Variants in EIF4G3 observed in about 807,000 individuals in gnomAD.
EIF4G3 encodes the protein eIF-4-gamma 3.
In EIF4G3, 34 loss-of-function variants were observed where a neutral mutation model predicts 186.4. That is an observed-to-expected ratio of 0.18 (90% CI 0.14 to 0.24). The LOEUF is 0.24. Ranked by LOEUF, EIF4G3 falls within the 10% of genes least tolerant of loss-of-function variation. The pLI is 1.00. For missense variants in EIF4G3, 1,536 were observed against 1,948.5 expected (o/e 0.79, Z 3.99); for synonymous variants, 673 against 679.5 (o/e 0.99, Z 0.15).
intron 15 of EIF4G3, 149 bp downstream of exon 15, chr1:20,904,733 TC>T: frequency 2.1e-6 from 1 of 465,438 alleles, no homozygotes; most frequent in Non-Finnish European, 3.7e-6. Flanking sequence ...TTTTTAAAAT[TC>T]TAATATAAAA....
intron 14 of EIF4G3, among the ~76,000 whole-genome samples, chr1:20,920,798 CTCTT>C (rs1465056023): frequency 6.6e-6 from 1 of 152,006 alleles, no homozygotes; most frequent in Admixed American, 6.6e-5. Context: ...TACACCAACT[CTCTT>C]TGGTCACTCT....
intron 19 of EIF4G3, among the ~76,000 whole-genome samples, chr1:20,884,635 A>G (rs1325793224): frequency 6.6e-6 from 1 of 152,180 alleles, no homozygotes; most frequent in East Asian, 1.9e-4. Context: ...GGAGAGAATT[A>G]TCTCAGCAAT....
intron 16 of EIF4G3, among the ~76,000 whole-genome samples, chr1:20,896,073 T>C (rs1256897376): frequency 2.0e-5 from 3 of 152,130 alleles, no homozygotes; most frequent in African/African-American, 4.8e-5. Flanking sequence ...TAGGCTAATA[T>C]ATGTTTGTGT....
At chr1:21,114,178 C>T (rs1309120584) in intron 2 of EIF4G3, among the ~76,000 whole-genome samples, 3 of 150,934 alleles carry the variant, frequency 2.0e-5, no homozygotes, top group South Asian at 2.1e-4. Context: ...AGACGAGTCT[C>T]GCTCTGTTGC....
chr1:20,995,944 A>C (rs368009790), intron 7 of EIF4G3, among the ~76,000 whole-genome samples: 1 of 152,194 alleles, frequency 6.6e-6, no homozygotes, highest in Non-Finnish European at 1.5e-5. Flanking sequence ...TCAAATAAAT[A>C]GTTTCTTTTC....
At chr1:21,126,282 A>C (rs2097042321) in intron 2 of EIF4G3, among the ~76,000 whole-genome samples, 1 of 152,010 alleles carries the variant, frequency 6.6e-6, no homozygotes, top group Non-Finnish European at 1.5e-5. Flanking sequence ...ACCCAAGACT[A>C]AGATTTGAAC....
intron 11 of EIF4G3, among the ~76,000 whole-genome samples, chr1:20,970,611 TA>T (rs894000722): frequency 1.4e-4 from 20 of 139,002 alleles, no homozygotes; most frequent in African/African-American, 2.4e-4. Context: ...AGACTCCATT[TA>T]AAAAAAAAAA....
At chr1:21,139,604 A>AACTAAATGG (rs1411003667) in intron 2 of EIF4G3, among the ~76,000 whole-genome samples, 1 of 152,242 alleles carries the variant, frequency 6.6e-6, no homozygotes, top group Non-Finnish European at 1.5e-5. Flanking sequence ...GACCTAAATG[A>AACTAAATGG]ACTCACTACT....
At chr1:20,868,160 C>G (rs547212915) in intron 20 of EIF4G3, among the ~76,000 whole-genome samples, 20 of 124,746 alleles carry the variant, frequency 1.6e-4, no homozygotes, top group Non-Finnish European at 3.1e-4. Context: ...TTGTTGTCTG[C>G]TGGACACTGG....
chr1:21,153,065 T>G (rs931129537), intron 2 of EIF4G3, among the ~76,000 whole-genome samples: 5 of 152,232 alleles, frequency 3.3e-5, no homozygotes, highest in Non-Finnish European at 7.3e-5. Flanking sequence ...TTCTCAAATC[T>G]ATTTTCTAAT....
intron 4 of EIF4G3, among the ~76,000 whole-genome samples, chr1:21,024,456 A>G (rs1205843509): frequency 6.6e-6 from 1 of 151,924 alleles, no homozygotes; most frequent in East Asian, 1.9e-4. Flanking sequence ...AAAGGGGGGA[A>G]AGGTGGGGAA....
At chr1:21,060,170 T>TA (rs36062359) in intron 3 of EIF4G3, among the ~76,000 whole-genome samples, 143,883 of 152,260 alleles carry the variant, frequency 0.94, 68,489 homozygotes, top group Middle Eastern at 1. Flanking sequence ...AGGCTGGTCT[T>TA]AACTTCTAGG....
intron 3 of EIF4G3, among the ~76,000 whole-genome samples, chr1:21,081,865 A>C (rs754063803): frequency 6.6e-6 from 1 of 151,706 alleles, no homozygotes; most frequent in Non-Finnish European, 1.5e-5. Context: ...CTGGTCTCGA[A>C]CTCCTGACCT....
At chr1:20,819,506 GC>G (rs1430080621) in intron 33 of EIF4G3, among the ~76,000 whole-genome samples, 1 of 150,904 alleles carries the variant, frequency 6.6e-6, no homozygotes, top group Non-Finnish European at 1.5e-5. Context: ...TGCCCGGGTT[GC>G]AGTGCAATGG....
At chr1:21,155,869 G>T (rs1392021513) in intron 2 of EIF4G3, among the ~76,000 whole-genome samples, 1 of 152,184 alleles carries the variant, frequency 6.6e-6, no homozygotes, top group African/African-American at 2.4e-5. Context: ...GCTCAGGCCT[G>T]TAATCCCAGC....
chr1:21,035,398 T>C (rs1260175342), intron 4 of EIF4G3, among the ~76,000 whole-genome samples: 1 of 152,120 alleles, frequency 6.6e-6, no homozygotes, highest in Non-Finnish European at 1.5e-5. Flanking sequence ...ACTCAGGTCA[T>C]GGCTGTGGGC....
At chr1:20,986,211 AT>A (rs1410796579) in intron 7 of EIF4G3, among the ~76,000 whole-genome samples, 1 of 152,214 alleles carries the variant, frequency 6.6e-6, no homozygotes, top group Non-Finnish European at 1.5e-5. Context: ...CACTAAAAAA[AT>A]ATTTGTTGCT....
intron 15 of EIF4G3, among the ~76,000 whole-genome samples, chr1:20,904,617 G>C (rs1203864656): frequency 6.6e-6 from 1 of 151,976 alleles, no homozygotes; most frequent in East Asian, 1.9e-4. Context: ...CAAAGTGCTG[G>C]GATTACAGTT....
intron 13 of EIF4G3, among the ~76,000 whole-genome samples, chr1:20,947,624 G>C (rs1397414382): frequency 6.6e-6 from 1 of 152,022 alleles, no homozygotes; most frequent in Non-Finnish European, 1.5e-5. Flanking sequence ...AAGGGAGTAA[G>C]GCAGAAACAG....
Sources: gnomAD v4.1 joint callset for allele counts (sites outside exome capture counted in the v4.1 genomes callset) on GRCh38, gnomAD v4.1.1 for gene constraint, MANE v1.5 for transcripts, NCBI Gene and HGNC (gene_info 2026-07-23, HGNC 2026-07-21) for gene names.